The following LNPK variants were observed in gnomAD, a reference collection of about 807,000 sequenced individuals.
LNPK encodes endoplasmic reticulum junction formation protein lunapark.
In LNPK, 29 loss-of-function variants were observed where a neutral mutation model predicts 55.2. That is an observed-to-expected ratio of 0.53 (90% CI 0.39 to 0.72). The LOEUF (loss-of-function observed/expected upper bound fraction) is 0.72. LNPK is among the 30% of genes least tolerant of loss of function. The pLI, the probability that LNPK is intolerant of heterozygous loss-of-function variation, is 0.00. For missense variants in LNPK, 467 were observed against 494.8 expected (o/e 0.94, Z 0.53); for synonymous variants, 162 against 168.2 (o/e 0.96, Z 0.29).
chr2:175,982,154 C>T (rs1243377252), intron 4 of LNPK, among the ~76,000 whole-genome samples: 3 of 152,042 alleles, frequency 2.0e-5, no homozygotes, highest in Admixed American at 6.6e-5. Flanking sequence ...AAAAAAGTCT[C>T]GTATCACTTC....
intron 6 of LNPK, among the ~76,000 whole-genome samples, chr2:175,965,882 C>CA (rs1292558001): frequency 6.6e-6 from 1 of 151,136 alleles, no homozygotes; most frequent in Non-Finnish European, 1.5e-5. Context: ...CATGGAATAT[C>CA]AAAGAAGCAA....
chr2:175,993,334 G>T, intron 2 of LNPK, 111 bp from the exon 3 acceptor site: 1 of 533,386 alleles, frequency 1.9e-6, no homozygotes, highest in Non-Finnish European at 3.2e-6. Flanking sequence ...CTCAAATCTT[G>T]TCAAATATGC....
intron 12 of LNPK, among the ~76,000 whole-genome samples, chr2:175,936,356 A>G (rs753139653): frequency 7.2e-5 from 11 of 152,202 alleles, no homozygotes; most frequent in Non-Finnish European, 1.5e-4. Flanking sequence ...CTGATATCTG[A>G]AAATTCACTG....
intron 1 of LNPK, among the ~76,000 whole-genome samples, chr2:175,998,444 C>CAAAAAAAAAAAAAAAAAAA (rs761894057): frequency 1.2e-5 from 1 of 82,864 alleles, no homozygotes; most frequent in African/African-American, 4.8e-5. Context: ...CTCCGTCTCA[C>CAAAAAAAAAAAAAAAAAAA]AAAAAAAAAA....
intron 10 of LNPK, 186 bp from the exon 11 acceptor site, chr2:175,938,569 A>G (rs1018468183): frequency 2.6e-5 from 10 of 390,970 alleles, no homozygotes; most frequent in Non-Finnish European, 4.6e-5. Context: ...CCAAAGCCCA[A>G]ATTTCAAGCA....
intron 5 of LNPK, among the ~76,000 whole-genome samples, chr2:175,976,154 C>T (rs1389590888): frequency 6.6e-6 from 1 of 152,100 alleles, no homozygotes; most frequent in Non-Finnish European, 1.5e-5. Context: ...GCTAGAAAGT[C>T]AGGATATGAA....
At chr2:175,932,708 A>G (rs1342109512) in intron 12 of LNPK, among the ~76,000 whole-genome samples, 6 of 152,226 alleles carry the variant, frequency 3.9e-5, no homozygotes, top group African/African-American at 2.4e-5. Context: ...AGAATTACAT[A>G]TAAATTTAAT....
intron 6 of LNPK, among the ~76,000 whole-genome samples, chr2:175,969,258 T>C (rs544371431): frequency 6.6e-6 from 1 of 152,222 alleles, no homozygotes; most frequent in Non-Finnish European, 1.5e-5. Context: ...TAATGAACCA[T>C]TTAAACTTGC....
intron 1 of LNPK, among the ~76,000 whole-genome samples, chr2:175,999,174 T>C (rs1448854889): frequency 1.3e-5 from 2 of 152,224 alleles, no homozygotes; most frequent in East Asian, 3.8e-4. Context: ...TAATAGGTGG[T>C]ACTTTCTAAC....
intron 12 of LNPK, among the ~76,000 whole-genome samples, chr2:175,934,962 T>C (rs952966725): frequency 1.3e-5 from 2 of 152,126 alleles, no homozygotes; most frequent in African/African-American, 4.8e-5. Context: ...TTCTGTATGT[T>C]TTTCTAAAGA....
chr2:175,970,846 A>G (rs977170232), intron 5 of LNPK, 42 bp from the exon 6 acceptor site: 3 of 1,372,852 alleles, frequency 2.2e-6, no homozygotes, highest in Non-Finnish European at 2.9e-6. Context: ...ATATTTAGAT[A>G]TAAGAAAAAA....
At chr2:175,940,964 A>G (rs1226692727) in intron 9 of LNPK, 1 of 454,548 alleles carries the variant, frequency 2.2e-6, no homozygotes, top group African/African-American at 2.0e-5. Context: ...ATACAAAATG[A>G]CAACCAGGCG....
chr2:175,967,372 A>G (rs1228379049), intron 6 of LNPK, among the ~76,000 whole-genome samples: 1 of 152,184 alleles, frequency 6.6e-6, no homozygotes, highest in African/African-American at 2.4e-5. Context: ...ATTACATCAT[A>G]GAAAACATTA....
At chr2:175,932,039 C>T in intron 12 of LNPK, 1 of 384,224 alleles carries the variant, frequency 2.6e-6, no homozygotes, top group Non-Finnish European at 5.2e-6. Context: ...ACCAATAAAG[C>T]CACAAGAAAT....
chr2:175,977,009 G>C (rs1686942344), intron 5 of LNPK, among the ~76,000 whole-genome samples: 1 of 152,174 alleles, frequency 6.6e-6, no homozygotes, highest in Non-Finnish European at 1.5e-5. Context: ...AAGACAAAGG[G>C]AAGAGCAGAC....
chr2:175,976,223 AC>A (rs770508047), intron 5 of LNPK, among the ~76,000 whole-genome samples: 36 of 152,236 alleles, frequency 2.4e-4, no homozygotes, highest in Non-Finnish European at 4.3e-4. Flanking sequence ...CAAAAGACAC[AC>A]AAGATCTGAT....
Position 175,928,195 on chromosome 2 carries a change from A to G in LNPK, c.*1772T>C, listed in dbSNP as rs931530138. The G allele has an allele frequency of 2.6e-5, 4 of 152,160 alleles. No homozygotes were observed. The highest frequency in any genetic ancestry group is 5.9e-5 in the Non-Finnish European group (4 of 68,026). 9.4% of individuals were successfully genotyped at this position (152,160 alleles called of 1,614,324 possible). A position where few individuals can be genotyped will look rare whatever the true frequency, so the allele number is the denominator to read the frequency against. On this transcript the variant is annotated 3_prime_UTR_variant, in exon 13 of 13. Coordinates refer to ENST00000272748, the MANE Select transcript of LNPK (RefSeq NM_030650.3). ...GCTTGAATCTGAGAAGCTGAATTAC[A>G]TGTTCGTATTATTTTTTACTTTCCT...
chr2:176,000,730 T>C (rs1688129268), intron 1 of LNPK, among the ~76,000 whole-genome samples: 1 of 152,184 alleles, frequency 6.6e-6, no homozygotes, highest in Non-Finnish European at 1.5e-5. Context: ...CATATTATAC[T>C]ATACAATTGA....
intron 1 of LNPK, among the ~76,000 whole-genome samples, chr2:175,997,736 T>TGTGTGTGTGTGG (rs1687999124): frequency 7.7e-6 from 1 of 129,218 alleles, no homozygotes; most frequent in Non-Finnish European, 1.7e-5. Flanking sequence ...TGTGTGTGTG[T>TGTGTGTGTGTGG]ATAAATATAA....
Sources: gnomAD v4.1 joint callset for allele counts (sites outside exome capture counted in the v4.1 genomes callset) on GRCh38, gnomAD v4.1.1 for gene constraint, MANE v1.5 for transcripts, NCBI Gene and HGNC (gene_info 2026-07-23, HGNC 2026-07-21) for gene names.